Variants in CPLX1 observed in about 807,000 individuals in gnomAD.
The protein encoded by CPLX1 is complexin 1.
In CPLX1, 6 loss-of-function variants were observed where a neutral mutation model predicts 15.6. The observed-to-expected ratio is 0.39, with a 90% confidence interval of 0.21 to 0.76. CPLX1 has a LOEUF of 0.76. Among genes scored for constraint, CPLX1 ranks in the 30% least tolerant of loss-of-function variants. CPLX1 has a pLI of 0.43. For missense variants in CPLX1, 242 were observed against 188.6 expected (o/e 1.28, Z -1.66); for synonymous variants, 91 against 75.2 (o/e 1.21, Z -1.08).
At chr4:801,819 G>A (rs1365506061) in intron 2 of CPLX1, among the ~76,000 whole-genome samples, 1 of 152,238 alleles carries the variant, frequency 6.6e-6, no homozygotes, top group African/African-American at 2.4e-5. Context: ...CGACGTGTCA[G>A]TCATAAGGGA....
chr4:787,963 G>T, intron 3 of CPLX1: 20 of 985,426 alleles, frequency 2.0e-5, no homozygotes, highest in Non-Finnish European at 2.3e-5. Flanking sequence ...CCCGGGCCAG[G>T]TCCAAGGTCC....
At chr4:814,744 A>C (rs1354707770) in intron 2 of CPLX1, among the ~76,000 whole-genome samples, 1 of 152,244 alleles carries the variant, frequency 6.6e-6, no homozygotes, top group Non-Finnish European at 1.5e-5. Flanking sequence ...TGCCAGAGTG[A>C]TGGCCAGGCA....
intron 2 of CPLX1, among the ~76,000 whole-genome samples, chr4:816,016 C>T (rs539069894): frequency 4.6e-5 from 7 of 152,210 alleles, no homozygotes; most frequent in Non-Finnish European, 1.0e-4. Flanking sequence ...ATATAAACGC[C>T]TGTTAAGGGA....
In CPLX1 at chr4:792,495, T is replaced by G; in HGVS notation, c.145A>C (p.Lys49Gln). Residue 49 changes from lysine (K) to glutamine (Q), a missense_variant, in exon 3 of 4, where the codon AAG (lysine) becomes CAG (glutamine). Lys to Gln is a moderately conservative substitution (Grantham distance 53). Coordinates refer to ENST00000304062, the MANE Select transcript of CPLX1 (RefSeq NM_006651.4). The part of the protein sequence containing the change: ...EALRQAEEER[K>Q]AKYAKMEAER... ...GCCTCCATCTTGGCGTACTTGGCCT[T>G]GCGCTCCTCCTCCGCCTGGCGCAGC... The G allele has an allele frequency of 6.2e-7, 1 of 1,612,936 alleles. No individual in the cohort carries two copies. The highest frequency in any genetic ancestry group is 1.1e-5 in the South Asian group (1 of 91,062).
chr4:806,719 A>G (rs980734696), intron 2 of CPLX1, among the ~76,000 whole-genome samples: 1 of 152,218 alleles, frequency 6.6e-6, no homozygotes, highest in Non-Finnish European at 1.5e-5. Flanking sequence ...AAACCTGTGA[A>G]AAAAAGCTCA....
intron 3 of CPLX1, chr4:788,316 C>G (rs1746063280): frequency 3.0e-6 from 3 of 985,332 alleles, no homozygotes; most frequent in Non-Finnish European, 1.2e-6. Context: ...CTCCCCTCCC[C>G]TAGGGCTGCA....
chr4:789,718 G>A (rs879058032), intron 3 of CPLX1, among the ~76,000 whole-genome samples: 41 of 152,314 alleles, frequency 2.7e-4, no homozygotes, highest in Non-Finnish European at 4.0e-4. Context: ...AGGTGCAGGC[G>A]CGCTGCTCCT....
chr4:798,208 G>A (rs1746381554), intron 2 of CPLX1, among the ~76,000 whole-genome samples: 1 of 149,480 alleles, frequency 6.7e-6, no homozygotes, highest in Non-Finnish European at 1.5e-5. Flanking sequence ...CCAAGAGGTG[G>A]AGGTTGCAGT....
At chr4:817,301 C>A (rs1001869736) in intron 2 of CPLX1, among the ~76,000 whole-genome samples, 2 of 150,826 alleles carry the variant, frequency 1.3e-5, no homozygotes, top group African/African-American at 4.9e-5. Flanking sequence ...CGCCTGTAAT[C>A]CCAGCACTTT....
chr4:824,584 C>T lies in CPLX1; in HGVS notation c.-62G>A, dbSNP rs1746938254. ...GTCAGAACTCACACGCAAGTATGGCCGGGAGCGAGTGTTCTTCCTGGGGGA... is the reference window on the plus strand; with the variant it reads ...GTCAGAACTCACACGCAAGTATGGCTGGGAGCGAGTGTTCTTCCTGGGGGA... On this transcript the variant is annotated 5_prime_UTR_variant, in exon 2 of 4. Transcript: ENST00000304062. 2 of 1,571,906 alleles carry T rather than the reference C, an allele frequency of 1.3e-6. No individual in the cohort carries two copies. The highest frequency in any genetic ancestry group is 8.8e-7 in the Non-Finnish European group (1 of 1,142,784).
chr4:814,615 G>C (rs538936215), intron 2 of CPLX1, among the ~76,000 whole-genome samples: 1 of 152,196 alleles, frequency 6.6e-6, no homozygotes, highest in Non-Finnish European at 1.5e-5. Context: ...AAAAATCTTC[G>C]AACTTGTTTC....
chr4:804,264 T>C (rs1462211817), intron 2 of CPLX1, among the ~76,000 whole-genome samples: 2 of 152,208 alleles, frequency 1.3e-5, no homozygotes, highest in African/African-American at 4.8e-5. Flanking sequence ...GACACGATCC[T>C]ATCTCTGAGA....
At position 786,549 on chromosome 4, in the gene CPLX1, G is replaced by A. The variant is rs377036276; in HGVS notation, c.357C>T (p.Thr119=). 1 of 1,607,898 alleles carries A rather than the reference G, an allele frequency of 6.2e-7. No homozygotes were observed. ...GCGGCCCGGGCAGGTACTTGATGACGGTGTCCAGGATGCTCTCGTCCTCCT... is the reference window on the plus strand; with the variant it reads ...GCGGCCCGGGCAGGTACTTGATGACAGTGTCCAGGATGCTCTCGTCCTCCT... ...VEEEDESILD[T]VIKYLPGPLQ... is the part of the protein sequence containing the mutation. Residue 119 remains threonine, a synonymous_variant, in exon 4 of 4, where the codon ACC becomes ACT. Transcript: ENST00000304062.
intron 2 of CPLX1, among the ~76,000 whole-genome samples, chr4:822,142 CTCCCT>C (rs1746878161): frequency 1.4e-5 from 2 of 143,516 alleles, no homozygotes; most frequent in African/African-American, 5.1e-5. Context: ...ACCACTGTCT[CTCCCT>C]CTGTTTCTGA....
chr4:819,113 G>A (rs796543639), intron 2 of CPLX1, among the ~76,000 whole-genome samples: 6 of 152,386 alleles, frequency 3.9e-5, no homozygotes, highest in African/African-American at 9.6e-5. Context: ...GTCCAGCAGC[G>A]TCTGATGGCA....
At chr4:820,878 C>A (rs374677162) in intron 2 of CPLX1, among the ~76,000 whole-genome samples, 1 of 152,130 alleles carries the variant, frequency 6.6e-6, no homozygotes, top group African/African-American at 2.4e-5. Context: ...TTGTTCCTGC[C>A]GAGAACTCAC....
At chr4:799,585 G>A (rs1478390286) in intron 2 of CPLX1, among the ~76,000 whole-genome samples, 1 of 152,168 alleles carries the variant, frequency 6.6e-6, no homozygotes, top group Non-Finnish European at 1.5e-5. Flanking sequence ...TCTGTAGGCT[G>A]GGCATGGTGG....
At chr4:822,523 T>A (rs1373541268) in intron 2 of CPLX1, among the ~76,000 whole-genome samples, 3 of 152,204 alleles carry the variant, frequency 2.0e-5, no homozygotes, top group Non-Finnish European at 4.4e-5. Flanking sequence ...TGTCTGTTTC[T>A]GGGCTGTCAT....
chr4:790,748 C>T (rs1441482906), intron 3 of CPLX1, among the ~76,000 whole-genome samples: 1 of 152,228 alleles, frequency 6.6e-6, no homozygotes, highest in Middle Eastern at 3.4e-3. Context: ...CCCACCATCG[C>T]TTTGTGTCCT....
Sources: gnomAD v4.1 joint callset for allele counts (sites outside exome capture counted in the v4.1 genomes callset) on GRCh38, gnomAD v4.1.1 for gene constraint, MANE v1.5 for transcripts, NCBI Gene and HGNC (gene_info 2026-07-23, HGNC 2026-07-21) for gene names.